The following MAP3K13 variants were observed in gnomAD, a reference collection of about 807,000 sequenced individuals.
MAP3K13 encodes the protein leucine zipper-bearing kinase.
MAP3K13 carries 52 observed loss-of-function variants against 104.0 expected under a neutral mutation model. The observed-to-expected ratio is 0.50, with a 90% CI of 0.40 to 0.63. The LOEUF (loss-of-function observed/expected upper bound fraction) is 0.63, where lower values mean the gene tolerates loss of function less well. Among genes scored for constraint, MAP3K13 ranks in the 20% least tolerant of loss-of-function variants. The pLI, the probability that MAP3K13 is intolerant of heterozygous loss-of-function variation, is 0.00. For missense variants in MAP3K13, 914 were observed against 1,218.5 expected (o/e 0.75, Z 3.72); for synonymous variants, 394 against 442.2 (o/e 0.89, Z 1.37).
At chr3:185,455,715 A>T (rs868014850) in intron 7 of MAP3K13, among the ~76,000 whole-genome samples, 20 of 12,776 alleles carry the variant, frequency 1.6e-3, no homozygotes, top group South Asian at 3.9e-3. Flanking sequence ...GATATATATG[A>T]GATATATATG....
chr3:185,342,355 C>A (rs1286625626), intron 2 of MAP3K13, among the ~76,000 whole-genome samples: 1 of 152,164 alleles, frequency 6.6e-6, no homozygotes, highest in Non-Finnish European at 1.5e-5. Flanking sequence ...TTCAATGCAA[C>A]CTGCAAGCTG....
rs1202379728 is a variant in MAP3K13, at chr3:185,455,060, A to G, written c.1278+3665A>G. Among the ~76,000 whole-genome samples, 2 of 98,112 alleles carry G rather than the reference A, an allele frequency of 2.0e-5. 1 individual carries two copies. Among genetic ancestry groups the G allele is most frequent in the African/African-American group, 7.6e-5 (2 of 26,220 alleles). The allele number at this position is 98,112 out of a possible 152,430, so 64.4% of individuals were successfully genotyped here. A position where few individuals can be genotyped will look rare whatever the true frequency, so the allele number is the denominator to read the frequency against. ...ATGATATATATATGAGATATATGTG[A>G]GATATATATGAGATATATGTGAGAT... On this transcript the variant is annotated intron_variant, in intron 7 of 13. Coordinates refer to ENST00000265026, the MANE Select transcript of MAP3K13 (RefSeq NM_004721.5).
chr3:185,463,672 C>G lies in MAP3K13; in HGVS notation c.1388+13C>G. ...GAGAAGAGCTCAGGTCAGCTCATCCCTCCTTCCCCACCTCCCTTCATCCCC... is the reference window on the plus strand; with the variant it reads ...GAGAAGAGCTCAGGTCAGCTCATCCGTCCTTCCCCACCTCCCTTCATCCCC... On this transcript the variant is annotated intron_variant, in intron 8 of 13. Transcript: ENST00000265026. 1 of 1,523,368 alleles carries G rather than the reference C, an allele frequency of 6.6e-7. No homozygotes were observed. Among genetic ancestry groups the G allele is most frequent in the Non-Finnish European group, 9.1e-7 (1 of 1,099,402 alleles). The allele number at this position is 1,523,368 out of a possible 1,614,324, so 94.4% of individuals were successfully genotyped here. A position where few individuals can be genotyped will look rare whatever the true frequency, so the allele number is the denominator to read the frequency against.
At chr3:185,304,685 G>A (rs1443405931) in intron 2 of MAP3K13, among the ~76,000 whole-genome samples, 1 of 152,060 alleles carries the variant, frequency 6.6e-6, no homozygotes, top group African/African-American at 2.4e-5. Context: ...CCAGGCTGGA[G>A]TACAGTGGCG....
chr3:185,428,869 G>A lies in MAP3K13; in HGVS notation c.288G>A (p.Ala96=), dbSNP rs1036208755. ...QLREHDESET[A]VSQGNSNTVD... is the part of the protein sequence containing the mutation. Reference sequence around the variant, plus strand: ...GGGAACACGATGAATCAGAGACGGCGGTGTCTCAGGGGAACAGCAACACGG... The same window carrying A: ...GGGAACACGATGAATCAGAGACGGCAGTGTCTCAGGGGAACAGCAACACGG... The change falls in exon 2 of 14, where the codon GCG becomes GCA. Residue 96 remains alanine, a synonymous_variant. Coordinates refer to ENST00000265026, the MANE Select transcript of MAP3K13 (RefSeq NM_004721.5). 22 of 1,614,042 alleles carry A rather than the reference G, an allele frequency of 1.4e-5. No homozygotes were observed. In the African/African-American group the frequency reaches 1.7e-4, roughly 13 times the overall value.
At chr3:185,427,648 A>G (rs765161414) in intron 1 of MAP3K13, among the ~76,000 whole-genome samples, 8 of 152,250 alleles carry the variant, frequency 5.3e-5, no homozygotes, top group Non-Finnish European at 7.3e-5. Flanking sequence ...AAAGTGACGC[A>G]GTGCCCCAGT....
intron 1 of MAP3K13, among the ~76,000 whole-genome samples, chr3:185,398,120 G>A (rs1712534851): frequency 1.3e-5 from 2 of 152,118 alleles, no homozygotes; most frequent in Admixed American, 1.3e-4. Context: ...GTATTGGACA[G>A]ACTTGTGGGG....
At chr3:185,373,896 C>T (rs991667994) in intron 1 of MAP3K13, among the ~76,000 whole-genome samples, 15 of 145,806 alleles carry the variant, frequency 1.0e-4, no homozygotes, top group Non-Finnish European at 1.8e-4. Flanking sequence ...GGGCTGAGTC[C>T]GCAAAAGGAG....
intron 1 of MAP3K13, among the ~76,000 whole-genome samples, chr3:185,369,039 G>C (rs1297564138): frequency 6.6e-6 from 1 of 151,616 alleles, no homozygotes; most frequent in African/African-American, 2.4e-5. Flanking sequence ...CAACAATATT[G>C]ATTGAGCATT....
chr3:185,349,206 G>T (rs573243325), intron 2 of MAP3K13, among the ~76,000 whole-genome samples: 1 of 151,910 alleles, frequency 6.6e-6, no homozygotes, highest in Non-Finnish European at 1.5e-5. Context: ...GTGGGGTTTG[G>T]GCTTCTATTG....
At chr3:185,444,840 A>G (rs1715510566) in intron 4 of MAP3K13, among the ~76,000 whole-genome samples, 1 of 152,082 alleles carries the variant, frequency 6.6e-6, no homozygotes, top group Non-Finnish European at 1.5e-5. Context: ...AAAATTAGCC[A>G]GGCATGGTAG....
chr3:185,365,171 C>T (rs1723811756), intron 1 of MAP3K13, among the ~76,000 whole-genome samples: 1 of 152,086 alleles, frequency 6.6e-6, no homozygotes, highest in Non-Finnish European at 1.5e-5. Flanking sequence ...TATAGAATCC[C>T]CCTCTCTCCC....
chr3:185,463,154 T>C (rs1025429228), intron 7 of MAP3K13, among the ~76,000 whole-genome samples: 2 of 152,230 alleles, frequency 1.3e-5, no homozygotes, highest in East Asian at 3.8e-4. Flanking sequence ...ATGTTCGTAA[T>C]CTCACATGCA....
intron 2 of MAP3K13, among the ~76,000 whole-genome samples, chr3:185,305,113 A>G (rs969533870): frequency 6.6e-6 from 1 of 152,120 alleles, no homozygotes; most frequent in African/African-American, 2.4e-5. Flanking sequence ...TGAAGTAATT[A>G]TTGTTAGGGA....
rs561882168 is a variant in MAP3K13, at chr3:185,463,463, G to T, written c.1279-87G>T. On this transcript the variant is annotated intron_variant, in intron 7 of 13. Transcript: ENST00000265026. The stretch of plus-strand genomic sequence containing the variant: ...AAGGCTCTTCAGTAGAAGCATGCAG[G>T]GAAAAAAAATCTTGTACGTGACTTT... 3 of 733,692 alleles carry T rather than the reference G, an allele frequency of 4.1e-6. No individual in the cohort carries two copies. In the East Asian group the frequency reaches 7.5e-5, roughly 18 times the overall value. 45.4% of individuals were successfully genotyped at this position (733,692 alleles called of 1,614,324 possible). A position where few individuals can be genotyped will look rare whatever the true frequency, so the allele number is the denominator to read the frequency against.
chr3:185,327,784 C>T (rs926428693), intron 2 of MAP3K13, among the ~76,000 whole-genome samples: 8 of 152,036 alleles, frequency 5.3e-5, no homozygotes, highest in South Asian at 4.2e-4. Flanking sequence ...CGGTGGCGGG[C>T]GTCTGTAGTC....
chr3:185,415,154 T>A (rs183951042), intron 1 of MAP3K13, among the ~76,000 whole-genome samples: 143 of 152,236 alleles, frequency 9.4e-4, no homozygotes, highest in African/African-American at 3.3e-3. Flanking sequence ...TTTTTATTTT[T>A]ATTTTTATTT....
intron 1 of MAP3K13, among the ~76,000 whole-genome samples, chr3:185,384,107 T>C (rs1174058300): frequency 6.6e-6 from 1 of 152,184 alleles, no homozygotes; most frequent in African/African-American, 2.4e-5. Context: ...TCTTCTCCAC[T>C]CTTCCCAGCT....
intron 1 of MAP3K13, among the ~76,000 whole-genome samples, chr3:185,416,271 G>A (rs1180512672): frequency 7.2e-5 from 11 of 151,822 alleles, no homozygotes; most frequent in Non-Finnish European, 2.9e-5. Context: ...TCTTTTCCTT[G>A]CCCTTCTTTT....
Sources: gnomAD v4.1 joint callset for allele counts (sites outside exome capture counted in the v4.1 genomes callset) on GRCh38, gnomAD v4.1.1 for gene constraint, MANE v1.5 for transcripts, NCBI Gene and HGNC (gene_info 2026-07-23, HGNC 2026-07-21) for gene names.